The following CAT variants were observed in gnomAD, a reference collection of about 807,000 sequenced individuals.
The protein encoded by CAT is epididymis secretory sperm binding protein.
A neutral mutation model predicts 59.0 loss-of-function variants in CAT; 43 were observed. That is an observed-to-expected ratio of 0.73 (90% CI 0.57 to 0.94). CAT has a LOEUF of 0.94. Ranked by LOEUF, CAT falls within the 40% of genes least tolerant of loss-of-function variation. CAT has a pLI of 0.00. For synonymous variants in CAT, 218 were observed against 230.9 expected, an observed-to-expected ratio of 0.94 and a Z score of 0.51; for missense variants, 664 against 682.9, an observed-to-expected ratio of 0.97 and a Z score of 0.31.
intron 6 of CAT, among the ~76,000 whole-genome samples, chr11:34,455,799 G>A (rs1856580913): frequency 6.6e-6 from 1 of 150,798 alleles, no homozygotes; most frequent in South Asian, 2.1e-4. Flanking sequence ...TGTGTAGATG[G>A]GATTCCCTTG....
intron 1 of CAT, among the ~76,000 whole-genome samples, chr11:34,447,272 A>G (rs1224467787): frequency 1.3e-5 from 2 of 152,012 alleles, no homozygotes; most frequent in African/African-American, 4.8e-5. Flanking sequence ...TCTAGGGGGG[A>G]TGGCCCAGGC....
At chr11:34,439,177 G>A in intron 1 of CAT, 98 bp downstream of exon 1, 1 of 1,140,110 alleles carries the variant, frequency 8.8e-7, no homozygotes, top group Non-Finnish European at 1.3e-6. Context: ...GCGCTTGGAG[G>A]GACTGTACCG....
chr11:34,463,443 T>G (rs539505665), intron 9 of CAT, among the ~76,000 whole-genome samples: 2 of 152,264 alleles, frequency 1.3e-5, no homozygotes, highest in African/African-American at 4.8e-5. Context: ...AAAGGAGAGA[T>G]ACCCTGAGAA....
At chr11:34,458,399 A>G (rs141729837) in intron 8 of CAT, among the ~76,000 whole-genome samples, 2 of 152,316 alleles carry the variant, frequency 1.3e-5, no homozygotes, top group East Asian at 3.9e-4. Flanking sequence ...ATTGAGTAGA[A>G]TCACTCCTCT....
intron 11 of CAT, among the ~76,000 whole-genome samples, chr11:34,469,479 G>A (rs375522252): frequency 6.6e-6 from 1 of 152,156 alleles, no homozygotes; most frequent in East Asian, 1.9e-4. Context: ...CCTGAAGTGT[G>A]TGGAGTTGTG....
intron 6 of CAT, among the ~76,000 whole-genome samples, chr11:34,455,608 G>C (rs1856579364): frequency 6.6e-6 from 1 of 151,274 alleles, no homozygotes; most frequent in Non-Finnish European, 1.5e-5. Context: ...GATTTGAGCT[G>C]TCATGAAATG....
chr11:34,446,830 C>T (rs1856462726), intron 1 of CAT, among the ~76,000 whole-genome samples: 2 of 152,092 alleles, frequency 1.3e-5, no homozygotes, highest in African/African-American at 4.8e-5. Context: ...CAACCTCCGC[C>T]TGCTGGGTTC....
chr11:34,461,485 C>G, intron 9 of CAT, 96 bp downstream of exon 9: 2 of 1,427,936 alleles, frequency 1.4e-6, no homozygotes, highest in Non-Finnish European at 9.8e-7. Flanking sequence ...GCTGGCCCCG[C>G]AGGACCTCCT....
Position 34,464,489 on chromosome 11 carries a change from G to C in CAT, c.1326+254G>C, listed in dbSNP as rs752172460. On this transcript the variant is annotated intron_variant, in intron 10 of 12. Coordinates refer to ENST00000241052, the MANE Select transcript of CAT (RefSeq NM_001752.4). The stretch of plus-strand genomic sequence containing the variant: ...AACTTTATTGAAGGGATATGGGGAG[G>C]GGGCATTGGGGAAACAGTTATCTCA... Among the ~76,000 whole-genome samples the C allele has an allele frequency of 2.6e-5, 4 of 152,146 alleles. No individual in the cohort carries two copies. In the South Asian group the frequency reaches 6.2e-4, roughly 24 times the overall value.
At chr11:34,453,224 A>T (rs765631159) in intron 5 of CAT, 30 bp downstream of exon 5, 3 of 1,247,258 alleles carry the variant, frequency 2.4e-6, no homozygotes, top group Non-Finnish European at 3.5e-6. Context: ...ATTGTATTAT[A>T]TCACCTGGGA....
intron 10 of CAT, among the ~76,000 whole-genome samples, chr11:34,465,684 C>G (rs1172146117): frequency 6.6e-6 from 1 of 152,130 alleles, no homozygotes; most frequent in Non-Finnish European, 1.5e-5. Context: ...TAGCATAATT[C>G]TGTGATGATG....
At position 34,453,046 on chromosome 11, in the gene CAT, G is replaced by T. The variant is rs1363528221; in HGVS notation, c.481-44G>T. ...TATAATGAAAGACACCATAATTCCTGTAAACTTAGTTTTTGGATTTTTTTC... is the reference window on the plus strand; with the variant it reads ...TATAATGAAAGACACCATAATTCCTTTAAACTTAGTTTTTGGATTTTTTTC... On this transcript the variant is annotated intron_variant, in intron 4 of 12. Coordinates refer to ENST00000241052, the MANE Select transcript of CAT (RefSeq NM_001752.4). The T allele has an allele frequency of 4.3e-6, 5 of 1,171,528 alleles. No individual in the cohort carries two copies. In the African/African-American group the frequency reaches 7.5e-5, roughly 18 times the overall value. The allele number at this position is 1,171,528 out of a possible 1,614,324, so 72.6% of individuals were successfully genotyped here.
intron 4 of CAT, 73 bp from the exon 5 acceptor site, chr11:34,453,017 C>A: frequency 1.2e-6 from 1 of 836,012 alleles, no homozygotes; most frequent in Non-Finnish European, 2.1e-6. Context: ...TAGTAATAGG[C>A]ATATATAATG....
chr11:34,461,015 A>AT (rs1856643263), intron 8 of CAT: 6 of 585,498 alleles, frequency 1.0e-5, no homozygotes, highest in Non-Finnish European at 1.8e-5. Flanking sequence ...ATTACCAAAA[A>AT]CAGATGTGAA....
At chr11:34,445,060 C>A (rs1856433239) in intron 1 of CAT, among the ~76,000 whole-genome samples, 2 of 152,038 alleles carry the variant, frequency 1.3e-5, no homozygotes, top group African/African-American at 2.4e-5. Context: ...GGCTCTTGGC[C>A]ATATCATATT....
intron 9 of CAT, among the ~76,000 whole-genome samples, chr11:34,463,087 C>T (rs373207207): frequency 7.2e-5 from 11 of 152,246 alleles, no homozygotes; most frequent in South Asian, 2.1e-4. Context: ...TAATCTATTA[C>T]GGCAGTGAGC....
intron 9 of CAT, among the ~76,000 whole-genome samples, chr11:34,463,617 T>C (rs1239828751): frequency 2.0e-5 from 3 of 152,224 alleles, no homozygotes; most frequent in African/African-American, 7.2e-5. Context: ...TCCATGCTTG[T>C]GTCTGTAGAT....
intron 5 of CAT, among the ~76,000 whole-genome samples, chr11:34,453,496 T>A (rs1182665488): frequency 2.0e-5 from 3 of 152,218 alleles, no homozygotes; most frequent in Non-Finnish European, 4.4e-5. Flanking sequence ...GGGAAAGTAG[T>A]ACCAAACAAA....
chr11:34,442,596 C>T (rs1461827988), intron 1 of CAT, among the ~76,000 whole-genome samples: 1 of 152,082 alleles, frequency 6.6e-6, no homozygotes, highest in Non-Finnish European at 1.5e-5. Flanking sequence ...AGTGAAACTC[C>T]ATCTCAAAAA....
Sources: gnomAD v4.1 joint callset for allele counts (sites outside exome capture counted in the v4.1 genomes callset) on GRCh38, gnomAD v4.1.1 for gene constraint, MANE v1.5 for transcripts, NCBI Gene and HGNC (gene_info 2026-07-23, HGNC 2026-07-21) for gene names.